NINJ2: variants seen among roughly 807,000 people sequenced by gnomAD.
The protein encoded by NINJ2 is ninjurin 2, also known as ninjurin-2.
A neutral mutation model predicts 11.7 loss-of-function variants in NINJ2; 12 were observed. The observed-to-expected ratio is 1.02, with a 90% confidence interval of 0.66 to 1.66. The LOEUF (loss-of-function observed/expected upper bound fraction) is 1.66, where lower values mean the gene tolerates loss of function less well. NINJ2 is among the 40% of genes most tolerant of loss of function. The pLI, the probability that NINJ2 is intolerant of heterozygous loss-of-function variation, is 0.00. For synonymous variants in NINJ2, 93 were observed against 76.8 expected (o/e 1.21, Z -1.10); for missense variants, 187 against 181.8 (o/e 1.03, Z -0.16).
chr12:646,262 G>T (rs115963448), intron 1 of NINJ2, among the ~76,000 whole-genome samples: 1 of 152,036 alleles, frequency 6.6e-6, no homozygotes, highest in Admixed American at 6.6e-5. Context: ...TTTCTCCTAC[G>T]CAGTGAAGCG....
Position 573,015 on chromosome 12 carries a change from C to T in NINJ2, c.34-6837G>A, listed in dbSNP as rs570326755. Among the ~76,000 whole-genome samples the T allele has an allele frequency of 1.6e-3, 238 of 149,732 alleles. 1 individual carries two copies. The highest frequency in any genetic ancestry group is 0.01 in the Middle Eastern group (3 of 290). On this transcript the variant is annotated intron_variant, in intron 1 of 3. Coordinates refer to ENST00000305108, the MANE Select transcript of NINJ2 (RefSeq NM_016533.6). ...GGGATTACAGGTGTGTGCCACCACACCCAGCTAATTTTTTTTTTTTTTTTT... is the reference window on the plus strand; with the variant it reads ...GGGATTACAGGTGTGTGCCACCACATCCAGCTAATTTTTTTTTTTTTTTTT...
At chr12:609,144 A>T (rs866605116) in intron 1 of NINJ2, among the ~76,000 whole-genome samples, 2 of 59,044 alleles carry the variant, frequency 3.4e-5, no homozygotes, top group Non-Finnish European at 6.3e-5. Context: ...GCACGGCGCC[A>T]CGCTAGGGGC....
At chr12:595,168 T>C (rs1196692194) in intron 1 of NINJ2, among the ~76,000 whole-genome samples, 1 of 152,030 alleles carries the variant, frequency 6.6e-6, no homozygotes, top group Non-Finnish European at 1.5e-5. Context: ...GACACAGACC[T>C]ACACGCTTCG....
chr12:594,971 A>G (rs1211520618), intron 1 of NINJ2, among the ~76,000 whole-genome samples: 4 of 152,246 alleles, frequency 2.6e-5, no homozygotes, highest in Admixed American at 2.0e-4. Context: ...GTGTGATATT[A>G]TCAAAAGGAT....
At position 595,501 on chromosome 12, in the gene NINJ2, G is replaced by A. The variant is rs750923829; in HGVS notation, c.34-29323C>T. Reference sequence around the variant, plus strand: ...TATTTGCAAAAAATATTGGCCAGGCGTGGTGGCTCACGACTGTAATCCCAG... The same window carrying A: ...TATTTGCAAAAAATATTGGCCAGGCATGGTGGCTCACGACTGTAATCCCAG... On this transcript the variant is annotated intron_variant, in intron 1 of 3. Coordinates refer to ENST00000305108, the MANE Select transcript of NINJ2 (RefSeq NM_016533.6). Among the ~76,000 whole-genome samples the A allele has an allele frequency of 2.2e-4, 34 of 152,342 alleles. No individual in the cohort carries two copies. In the South Asian group the frequency reaches 3.3e-3, roughly 15 times the overall value.
intron 1 of NINJ2, among the ~76,000 whole-genome samples, chr12:601,912 T>C (rs879825507): frequency 4.6e-5 from 7 of 152,184 alleles, no homozygotes; most frequent in Non-Finnish European, 8.8e-5. Flanking sequence ...ATGATTTCCA[T>C]GGGAATAAGA....
At chr12:589,842 G>A (rs1163923044) in intron 1 of NINJ2, among the ~76,000 whole-genome samples, 1 of 151,822 alleles carries the variant, frequency 6.6e-6, no homozygotes, top group Non-Finnish European at 1.5e-5. Context: ...TAAATTTAGG[G>A]GGGGATTGTC....
intron 1 of NINJ2, among the ~76,000 whole-genome samples, chr12:619,673 T>C (rs969814608): frequency 3.3e-5 from 5 of 152,220 alleles, no homozygotes; most frequent in Non-Finnish European, 4.4e-5. Context: ...ACATTCTTGG[T>C]AAGCTGTGGC....
At position 623,613 on chromosome 12, in the gene NINJ2, G is replaced by T. The variant is rs189062697; in HGVS notation, c.33+39715C>A. On this transcript the variant is annotated intron_variant, in intron 1 of 3. Coordinates refer to ENST00000305108, the MANE Select transcript of NINJ2 (RefSeq NM_016533.6). ...CCAGCATGTACCCTGGGATGAGTGA[G>T]AGGCGACAGGCTAGGAAGGGATCTG... Among the ~76,000 whole-genome samples the T allele has an allele frequency of 3.8e-4, 58 of 152,372 alleles. 1 individual carries two copies. Among genetic ancestry groups the T allele is most frequent in the Admixed American group, 3.6e-3 (55 of 15,310 alleles).
intron 1 of NINJ2, among the ~76,000 whole-genome samples, chr12:636,203 C>G (rs1247128030): frequency 6.6e-6 from 1 of 150,786 alleles, no homozygotes; most frequent in African/African-American, 2.4e-5. Context: ...ATGGAGAAAC[C>G]CCGTCTCTAC....
At chr12:645,819 G>A (rs1565647780) in intron 1 of NINJ2, 5 of 152,064 alleles carry the variant, frequency 3.3e-5, no homozygotes, top group South Asian at 2.1e-4. Flanking sequence ...CTCATACCTT[G>A]CCCCCCAGTT....
intron 1 of NINJ2, among the ~76,000 whole-genome samples, chr12:627,578 G>A (rs1022965612): frequency 6.6e-6 from 1 of 152,248 alleles, no homozygotes; most frequent in African/African-American, 2.4e-5. Flanking sequence ...CCTCGAATGG[G>A]TTGGGTGTTC....
intron 1 of NINJ2, among the ~76,000 whole-genome samples, chr12:597,778 G>T (rs1432941190): frequency 6.6e-6 from 1 of 152,238 alleles, no homozygotes; most frequent in African/African-American, 2.4e-5. Flanking sequence ...TGAACACCAA[G>T]AAGTGTCGCA....
chr12:589,042 C>T (rs1002974382), intron 1 of NINJ2, among the ~76,000 whole-genome samples: 1 of 152,126 alleles, frequency 6.6e-6, no homozygotes, highest in Non-Finnish European at 1.5e-5. Context: ...GAGTCTCCCA[C>T]AGAATAAGTC....
intron 1 of NINJ2, chr12:642,811 C>G (rs1251358442): frequency 1.3e-5 from 2 of 151,814 alleles, no homozygotes; most frequent in Non-Finnish European, 2.9e-5. Context: ...AAGCCGGGCC[C>G]CGAGCGCGCC....
chr12:588,905 G>A (rs1221233976), intron 1 of NINJ2, among the ~76,000 whole-genome samples: 1 of 152,138 alleles, frequency 6.6e-6, no homozygotes, highest in Non-Finnish European at 1.5e-5. Flanking sequence ...GCACTTTCAC[G>A]TCCTTGGTAG....
rs1418188922 is a variant in NINJ2, at chr12:622,334, C to T, written c.33+40994G>A. Reference sequence around the variant, plus strand: ...CTGAAGCAGGAGAATGGCATGAACCCGGGAAGCGGAGCTTGCTGTGAGCTG... The same window carrying T: ...CTGAAGCAGGAGAATGGCATGAACCTGGGAAGCGGAGCTTGCTGTGAGCTG... On this transcript the variant is annotated intron_variant, in intron 1 of 3. Transcript: ENST00000305108. Among the ~76,000 whole-genome samples, 9 of 127,498 alleles carry T rather than the reference C, an allele frequency of 7.1e-5. No homozygotes were observed. In the South Asian group the frequency reaches 1.6e-3, roughly 23 times the overall value. The allele number at this position is 127,498 out of a possible 152,430, so 83.6% of individuals were successfully genotyped here.
At chr12:630,449 A>T (rs1181689280) in intron 1 of NINJ2, among the ~76,000 whole-genome samples, 1 of 150,608 alleles carries the variant, frequency 6.6e-6, no homozygotes, top group African/African-American at 2.4e-5. Context: ...ATCTCGGCTC[A>T]CTGCAAGCTC....
At chr12:598,707 A>C (rs1035930745) in intron 1 of NINJ2, among the ~76,000 whole-genome samples, 3 of 152,112 alleles carry the variant, frequency 2.0e-5, no homozygotes, top group African/African-American at 7.2e-5. Flanking sequence ...TTTAATTTTA[A>C]CTTTTTTTTT....
Sources: allele counts gnomAD v4.1 joint callset (sites outside exome capture counted in the v4.1 genomes callset), GRCh38; gene constraint gnomAD v4.1.1; transcripts MANE v1.5; gene names NCBI Gene and HGNC (gene_info 2026-07-23, HGNC 2026-07-21).